CD36: variants seen among roughly 807,000 people sequenced by gnomAD.
CD36 encodes the protein CD36 molecule (CD36 blood group).
A neutral mutation model predicts 55.2 loss-of-function variants in CD36; 119 were observed. The ratio of observed to expected loss-of-function variants is 2.15; its 90% CI spans 1.86 to 2.51. The LOEUF is 2.51. Ranked by LOEUF, CD36 falls within the 30% of genes most tolerant of loss-of-function variation. The pLI is 0.00. For missense variants in CD36, 819 were observed against 555.5 expected, an observed-to-expected ratio of 1.47 and a Z score of -4.77; for synonymous variants, 186 against 193.6, an observed-to-expected ratio of 0.96 and a Z score of 0.33.
At chr7:80,625,263 T>G (rs1793680871) in intron 1 of CD36, among the ~76,000 whole-genome samples, 1 of 152,158 alleles carries the variant, frequency 6.6e-6, no homozygotes, top group Non-Finnish European at 1.5e-5. Flanking sequence ...TTTTACAGAT[T>G]ACAGGTATAA....
At position 80,674,111 on chromosome 7, in the gene CD36, T is replaced by G; in HGVS notation, c.1383T>G (p.Ile461Met). 1 of 1,612,462 alleles carries G rather than the reference T, an allele frequency of 6.2e-7. No individual in the cohort carries two copies. Among genetic ancestry groups the G allele is most frequent in the Non-Finnish European group, 8.5e-7 (1 of 1,178,954 alleles). ...TGGTGATGTTTGTTGCTTTTATGAT[T>G]TCATATTGTGCATGCAGATCGAAAA... Reference protein sequence around the residue: ...VGVVMFVAFMISYCACRSKTI... With the variant: ...VGVVMFVAFMMSYCACRSKTI... Residue 461 changes from isoleucine (I) to methionine (M), a missense_variant, in exon 14 of 15, where the codon ATT (isoleucine) becomes ATG (methionine). By Grantham distance (10) the Ile-to-Met change is conservative. Transcript: ENST00000447544.
intron 1 of CD36, among the ~76,000 whole-genome samples, chr7:80,603,267 A>T (rs958306568): frequency 6.6e-6 from 1 of 152,160 alleles, no homozygotes; most frequent in Non-Finnish European, 1.5e-5. Context: ...CTGTTTCTCC[A>T]TGCTATTCTG....
In CD36 at chr7:80,631,538, C is replaced by T. The variant is rs78256291; in HGVS notation, c.-183-14550C>T. 7.3e-5 allele frequency among the ~76,000 whole-genome samples: 11 copies of T among 150,866 alleles called. No homozygotes were observed. The East Asian group carries it at 2.0e-3, about 27-fold the overall frequency. On this transcript the variant is annotated intron_variant, in intron 1 of 13. Coordinates refer to the CD36 transcript ENST00000309881. ...ATTCCAAAGTGAAGGTTTTACTCTACTGCTGATAAGTTTGCAATTTTTTTT... is the reference window on the plus strand; with the variant it reads ...ATTCCAAAGTGAAGGTTTTACTCTATTGCTGATAAGTTTGCAATTTTTTTT...
chr7:80,669,294 G>C (rs1029587392), intron 8 of CD36, among the ~76,000 whole-genome samples: 11 of 152,110 alleles, frequency 7.2e-5, no homozygotes, highest in African/African-American at 2.7e-4. Context: ...AACTGTTAAG[G>C]ACTCAAAATC....
chr7:80,661,236 C>G (rs1584419001), intron 5 of CD36, 26 bp downstream of exon 5: 1 of 1,604,860 alleles, frequency 6.2e-7, no homozygotes, highest in South Asian at 1.1e-5. Flanking sequence ...ACAAAGTTAT[C>G]TATTTTAAAA....
chr7:80,661,032 T>C lies in CD36; in HGVS notation c.282-31T>C, dbSNP rs3211891. The C allele has an allele frequency of 3.3e-3, 5,072 of 1,541,642 alleles. 138 individuals are homozygous for C. The African/African-American group carries it at 0.058, about 18-fold the overall frequency. ...ATCTAATGTTCACATATGACAAATG[T>C]TTTGAATTTTGTTTACTGCTATTTC... On this transcript the variant is annotated intron_variant, in intron 4 of 14. Coordinates refer to ENST00000447544, the MANE Select transcript of CD36 (RefSeq NM_001001548.3).
At chr7:80,664,859 A>AAG (rs1008378423) in intron 7 of CD36, among the ~76,000 whole-genome samples, 55 of 151,680 alleles carry the variant, frequency 3.6e-4, no homozygotes, top group African/African-American at 1.3e-3. Context: ...AGGTAAAAAA[A>AAG]AAAAAAACAA....
rs566074656 is a variant in CD36, at chr7:80,651,678, C to T, written c.120+4818C>T. 5.9e-4 allele frequency among the ~76,000 whole-genome samples: 90 copies of T among 152,118 alleles called. 2 individuals carry two copies. In the South Asian group the frequency reaches 0.014, roughly 23 times the overall value. On this transcript the variant is annotated intron_variant, in intron 3 of 14. Transcript: ENST00000447544. ...ATCCTAGTACTTCGGGAGGCTGAGACGGGTGGATCACTTGAGCTCAGGAGT... is the reference window on the plus strand; with the variant it reads ...ATCCTAGTACTTCGGGAGGCTGAGATGGGTGGATCACTTGAGCTCAGGAGT...
intron 1 of CD36, among the ~76,000 whole-genome samples, chr7:80,626,507 T>C (rs1336749752): frequency 1.3e-5 from 2 of 152,104 alleles, no homozygotes; most frequent in Non-Finnish European, 2.9e-5. Context: ...GTACAGTCTA[T>C]TATCTATGTG....
chr7:80,617,365 C>T (rs1793221755), intron 1 of CD36, among the ~76,000 whole-genome samples: 1 of 151,612 alleles, frequency 6.6e-6, no homozygotes, highest in Non-Finnish European at 1.5e-5. Context: ...TGCATGTGTA[C>T]CCCTGAACTT....
chr7:80,636,532 CAAAA>C (rs5885186), upstream of CD36, among the ~76,000 whole-genome samples: 2 of 124,638 alleles, frequency 1.6e-5, no homozygotes. Flanking sequence ...TGATCTCTTG[CAAAA>C]AAAAAAAAAA....
Position 80,661,151 on chromosome 7 carries a change from C to T in CD36, c.370C>T (p.Pro124Ser), listed in dbSNP as rs1437127524. The change falls in exon 5 of 15, where the codon CCT (proline) becomes TCT (serine). Residue 124 changes from proline to serine, a missense_variant. Coordinates refer to ENST00000447544, the MANE Select transcript of CD36 (RefSeq NM_001001548.3). Reference sequence around the variant, plus strand: ...GCAGCCCAATGGTGCCATCTTCGAACCTTCACTATCAGTTGGAACAGAGGC... The same window carrying T: ...GCAGCCCAATGGTGCCATCTTCGAATCTTCACTATCAGTTGGAACAGAGGC... ...FLQPNGAIFE[P>S]SLSVGTEADN... 5.0e-6 allele frequency: 8 copies of T among 1,613,812 alleles called. No homozygotes were observed. In the East Asian group the frequency reaches 6.7e-5, roughly 13 times the overall value.
At chr7:80,630,589 T>C (rs1245659807) in intron 1 of CD36, among the ~76,000 whole-genome samples, 1 of 152,076 alleles carries the variant, frequency 6.6e-6, no homozygotes, top group Non-Finnish European at 1.5e-5. Flanking sequence ...ATGCTTTTAA[T>C]TTGGGATTCC....
intron 3 of CD36, among the ~76,000 whole-genome samples, chr7:80,651,539 T>A (rs1343575316): frequency 6.6e-6 from 1 of 152,200 alleles, no homozygotes; most frequent in Non-Finnish European, 1.5e-5. Flanking sequence ...TCTCCCATTC[T>A]TGAAAACAAT....
At position 80,646,787 on chromosome 7, in the gene CD36, G is replaced by A; in HGVS notation, c.47G>A (p.Gly16Asp). The change falls in exon 3 of 15, where the codon GGT (glycine) becomes GAT (aspartate). Residue 16 changes from glycine to aspartate, a missense_variant. Coordinates refer to ENST00000447544, the MANE Select transcript of CD36 (RefSeq NM_001001548.3). ...NCGLIAGAVI[G>D]AVLAVFGGIL... is the part of the protein sequence containing the mutation. ...GGGCTCATCGCTGGGGCTGTCATTG[G>A]TGCTGTCCTGGCTGTGTTTGGAGGT... 6.2e-7 allele frequency: 1 copy of A among 1,614,018 alleles called. No homozygotes were observed. Among genetic ancestry groups the A allele is most frequent in the Non-Finnish European group, 8.5e-7 (1 of 1,179,946 alleles).
intron 1 of CD36, among the ~76,000 whole-genome samples, chr7:80,609,251 C>A (rs1792740619): frequency 6.6e-6 from 1 of 152,166 alleles, no homozygotes; most frequent in South Asian, 2.1e-4. Context: ...ATACACTGTA[C>A]CGAATCCTTA....
chr7:80,665,281 A>G (rs1347380711), intron 7 of CD36, among the ~76,000 whole-genome samples: 1 of 152,020 alleles, frequency 6.6e-6, no homozygotes, highest in Non-Finnish European at 1.5e-5. Context: ...ACCCTAATAA[A>G]TATCAGAGGA....
At chr7:80,621,740 A>G (rs1793482501) in intron 1 of CD36, among the ~76,000 whole-genome samples, 1 of 152,236 alleles carries the variant, frequency 6.6e-6, no homozygotes, top group Non-Finnish European at 1.5e-5. Context: ...GAAATGAAAA[A>G]GAGGTATTAT....
intron 3 of CD36, among the ~76,000 whole-genome samples, chr7:80,652,544 A>G (rs1795708480): frequency 6.6e-6 from 1 of 152,204 alleles, no homozygotes; most frequent in South Asian, 2.1e-4. Flanking sequence ...TTCTTTTAAC[A>G]TGGGGAAATG....
Sources: allele counts gnomAD v4.1 joint callset (sites outside exome capture counted in the v4.1 genomes callset), GRCh38; gene constraint gnomAD v4.1.1; transcripts MANE v1.5; gene names NCBI Gene and HGNC (gene_info 2026-07-23, HGNC 2026-07-21).